The following FHIT variants were observed in gnomAD, a reference collection of about 807,000 sequenced individuals.
FHIT encodes the protein bis(5'-adenosyl)-triphosphatase.
In FHIT, 19 loss-of-function variants were observed where a neutral mutation model predicts 17.9. That is an observed-to-expected ratio of 1.06 (90% CI 0.74 to 1.56). The LOEUF (loss-of-function observed/expected upper bound fraction) is 1.56, where lower values mean the gene tolerates loss of function less well. FHIT is among the 40% of genes most tolerant of loss of function. The pLI is 0.00. For synonymous variants in FHIT, 81 were observed against 69.7 expected (o/e 1.16, Z -0.81); for missense variants, 248 against 189.2 (o/e 1.31, Z -1.82).
chr3:60,502,831 A>G (rs924703096), intron 5 of FHIT, among the ~76,000 whole-genome samples: 1 of 152,210 alleles, frequency 6.6e-6, no homozygotes. Flanking sequence ...GCTATTATAA[A>G]AAAATCAAAA....
intron 4 of FHIT, among the ~76,000 whole-genome samples, chr3:60,572,702 G>T (rs540415941): frequency 4.6e-5 from 7 of 152,226 alleles, no homozygotes; most frequent in African/African-American, 1.7e-4. Context: ...AAAATATATG[G>T]TCCATTGATG....
intron 5 of FHIT, among the ~76,000 whole-genome samples, chr3:60,200,673 A>AG (rs1334932938): frequency 6.7e-6 from 1 of 148,720 alleles, no homozygotes; most frequent in East Asian, 1.9e-4. Flanking sequence ...TTTTGGGGGA[A>AG]AAAAAAAAAA....
At chr3:60,119,151 G>A (rs918744429) in intron 5 of FHIT, among the ~76,000 whole-genome samples, 1 of 151,842 alleles carries the variant, frequency 6.6e-6, no homozygotes, top group Admixed American at 6.6e-5. Context: ...TCAGCTCACT[G>A]CAATCTCTCC....
intron 7 of FHIT, among the ~76,000 whole-genome samples, chr3:59,924,701 T>C (rs1292400968): frequency 6.6e-6 from 1 of 152,218 alleles, no homozygotes; most frequent in East Asian, 1.9e-4. Context: ...AATAAAGATA[T>C]TAAGAAGCTC....
intron 3 of FHIT, among the ~76,000 whole-genome samples, chr3:60,924,052 G>A (rs1248863033): frequency 6.6e-6 from 1 of 152,194 alleles, no homozygotes; most frequent in Non-Finnish European, 1.5e-5. Flanking sequence ...GGTAAACAAA[G>A]CGGCCTGGAA....
rs148356992 is a variant in FHIT at position 60,130,784 on chromosome 3, G to GTGTATATACACACATATGTGTGT, written c.104-116633_104-116632insACACACATATGTGTGTATATACA. On this transcript the variant is annotated intron_variant, in intron 5 of 9. Coordinates refer to ENST00000492590, the MANE Select transcript of FHIT (RefSeq NM_002012.4). ...TGTGTGTTTGTGTGTGTGTGTGTGT[G>GTGTATATACACACATATGTGTGT]GTGTGTATATACACACATATATATG... 6.4e-3 allele frequency among the ~76,000 whole-genome samples: 714 copies of GTGTATATACACACATATGTGTGT among 111,690 alleles called. 6 individuals are homozygous for GTGTATATACACACATATGTGTGT. The highest frequency in any genetic ancestry group is 0.02 in the African/African-American group (691 of 33,848). The allele number at this position is 111,690 out of a possible 152,430, so 73.3% of individuals were successfully genotyped here.
intron 3 of FHIT, among the ~76,000 whole-genome samples, chr3:60,886,842 G>T (rs1341039551): frequency 6.6e-6 from 1 of 152,074 alleles, no homozygotes; most frequent in Non-Finnish European, 1.5e-5. Flanking sequence ...TCAGTAGAAA[G>T]GCTATCTAGA....
intron 7 of FHIT, among the ~76,000 whole-genome samples, chr3:59,967,259 A>C (rs933781290): frequency 6.6e-6 from 1 of 152,198 alleles, no homozygotes; most frequent in Non-Finnish European, 1.5e-5. Flanking sequence ...TTTTTAAAAA[A>C]ATAATAAATA....
At chr3:60,367,852 T>C (rs1282409059) in intron 5 of FHIT, among the ~76,000 whole-genome samples, 2 of 152,214 alleles carry the variant, frequency 1.3e-5, no homozygotes, top group African/African-American at 2.4e-5. Flanking sequence ...ACTGCTGTTC[T>C]GATTTCTATC....
chr3:60,492,252 T>C (rs2034097312), intron 5 of FHIT, among the ~76,000 whole-genome samples: 1 of 152,224 alleles, frequency 6.6e-6, no homozygotes, highest in Non-Finnish European at 1.5e-5. Flanking sequence ...CAACAGTAGC[T>C]ATCTGAAAAT....
intron 3 of FHIT, among the ~76,000 whole-genome samples, chr3:61,037,750 T>G (rs767888127): frequency 1.9e-4 from 29 of 152,244 alleles, no homozygotes; most frequent in Non-Finnish European, 3.7e-4. Context: ...TCTTTTATCC[T>G]TCTGCCATTG....
intron 8 of FHIT, among the ~76,000 whole-genome samples, chr3:59,869,447 G>C (rs186597616): frequency 2.2e-4 from 31 of 141,166 alleles, no homozygotes; most frequent in African/African-American, 7.9e-4. Flanking sequence ...GCATTTTCAT[G>C]TACTAGTCAT....
intron 5 of FHIT, among the ~76,000 whole-genome samples, chr3:60,130,920 C>T (rs954891974): frequency 4.5e-5 from 6 of 134,622 alleles, no homozygotes; most frequent in African/African-American, 1.6e-4. Flanking sequence ...TATATGTATA[C>T]ATACATATAT....
rs553230239 is a variant in FHIT at position 60,920,029 on chromosome 3, G to A, written c.-110-98018C>T. Among the ~76,000 whole-genome samples the A allele has an allele frequency of 4.8e-3, 712 of 148,044 alleles. 3 individuals are homozygous for A. The highest frequency in any genetic ancestry group is 6.1e-3 in the Non-Finnish European group (412 of 67,394). On this transcript the variant is annotated intron_variant, in intron 3 of 9. Transcript: ENST00000492590. ...AGCCTGGGCGACAGAGCGAGACTCC[G>A]TCTCAAAAAAAAAAAAAAAGAGTGC...
intron 5 of FHIT, among the ~76,000 whole-genome samples, chr3:60,279,542 C>G (rs1707328080): frequency 6.6e-6 from 1 of 152,086 alleles, no homozygotes; most frequent in African/African-American, 2.4e-5. Context: ...AGAGGGAACA[C>G]TTCCTAAGTC....
At chr3:59,865,460 T>C (rs1437037586) in intron 8 of FHIT, among the ~76,000 whole-genome samples, 1 of 152,274 alleles carries the variant, frequency 6.6e-6, no homozygotes, top group Non-Finnish European at 1.5e-5. Flanking sequence ...ATGTGTGTTA[T>C]ATTACTTTAT....
intron 1 of FHIT, among the ~76,000 whole-genome samples, chr3:61,226,985 A>T (rs983814440): frequency 2.6e-5 from 4 of 152,242 alleles, no homozygotes; most frequent in African/African-American, 9.6e-5. Flanking sequence ...GAAGCCTGAA[A>T]AAAAACGAAG....
At chr3:60,411,244 G>C (rs1702049538) in intron 5 of FHIT, among the ~76,000 whole-genome samples, 1 of 152,086 alleles carries the variant, frequency 6.6e-6, no homozygotes, top group African/African-American at 2.4e-5. Flanking sequence ...GGTCTCCCCA[G>C]TCTGTTCAAT....
chr3:61,250,848 C>T (rs2040605891), intron 1 of FHIT, among the ~76,000 whole-genome samples: 2 of 152,198 alleles, frequency 1.3e-5, no homozygotes, highest in Admixed American at 6.5e-5. Flanking sequence ...CTTCTCTATA[C>T]TCCGGTTTGC....
Sources: gnomAD v4.1 joint callset for allele counts (sites outside exome capture counted in the v4.1 genomes callset) on GRCh38, gnomAD v4.1.1 for gene constraint, MANE v1.5 for transcripts, NCBI Gene and HGNC (gene_info 2026-07-23, HGNC 2026-07-21) for gene names.